The following TAFA5 variants were observed in gnomAD, a reference collection of about 807,000 sequenced individuals.
The protein encoded by TAFA5 is TAFA chemokine like family member 5, also known as chemokine-like protein TAFA-5.
A neutral mutation model predicts 15.3 loss-of-function variants in TAFA5; 6 were observed. That is an observed-to-expected ratio of 0.39 (90% CI 0.21 to 0.77). TAFA5 has a LOEUF of 0.77. Among genes scored for constraint, TAFA5 ranks in the 30% least tolerant of loss-of-function variants. TAFA5 has a pLI of 0.41. For synonymous variants in TAFA5, 103 were observed against 80.7 expected (o/e 1.28, Z -1.48); for missense variants, 161 against 193.1 (o/e 0.83, Z 0.98).
intron 1 of TAFA5, among the ~76,000 whole-genome samples, chr22:48,644,391 A>G (rs2147200672): frequency 6.6e-6 from 1 of 152,296 alleles, no homozygotes; most frequent in Non-Finnish European, 1.5e-5. Flanking sequence ...GCCCTTATGC[A>G]CTGGGCTCTG....
At chr22:48,633,539 C>CTCTCTCTCTCTCTCTCTCTCTCTCTCTCT (rs1569056626) in intron 1 of TAFA5, among the ~76,000 whole-genome samples, 3 of 128,816 alleles carry the variant, frequency 2.3e-5, no homozygotes, top group East Asian at 2.6e-4. Flanking sequence ...TCTGTCTCTC[C>CTCTCTCTCTCTCTCTCTCTCTCTCTCTCT]CTCTCTCTCT....
At chr22:48,653,552 TAAAGGCC>T (rs1310991932) in intron 2 of TAFA5, among the ~76,000 whole-genome samples, 2 of 152,260 alleles carry the variant, frequency 1.3e-5, no homozygotes, top group East Asian at 3.9e-4. Context: ...GCAACTGTGC[TAAAGGCC>T]AAGCACTTTG....
chr22:48,510,622 A>T (rs1921175936), intron 1 of TAFA5, among the ~76,000 whole-genome samples: 1 of 152,184 alleles, frequency 6.6e-6, no homozygotes, highest in African/African-American at 2.4e-5. Context: ...GGGGTGGGGG[A>T]ACCTGGCTGT....
At chr22:48,541,480 C>T (rs149455940) in intron 1 of TAFA5, among the ~76,000 whole-genome samples, 1 of 152,310 alleles carries the variant, frequency 6.6e-6, no homozygotes, top group Non-Finnish European at 1.5e-5. Flanking sequence ...GAGTCTGCCT[C>T]TCTCAGGGAA....
At chr22:48,541,184 G>A (rs1246779522) in intron 1 of TAFA5, among the ~76,000 whole-genome samples, 2 of 152,108 alleles carry the variant, frequency 1.3e-5, no homozygotes, top group East Asian at 1.9e-4. Flanking sequence ...CTCCCGGGGC[G>A]TTTGTACAGG....
At chr22:48,709,538 C>T (rs1929188148) in intron 3 of TAFA5, among the ~76,000 whole-genome samples, 1 of 152,228 alleles carries the variant, frequency 6.6e-6, no homozygotes, top group Non-Finnish European at 1.5e-5. Context: ...ACATAAGCGG[C>T]CACCTCGCCC....
chr22:48,650,349 A>G (rs758497841), intron 2 of TAFA5, among the ~76,000 whole-genome samples: 2 of 152,174 alleles, frequency 1.3e-5, no homozygotes, highest in Non-Finnish European at 2.9e-5. Context: ...TTGAAAGAAG[A>G]TGGATACCCA....
rs137912206 is a variant in TAFA5 at position 48,627,147 on chromosome 22, C to T, written c.113-19450C>T. 4.1e-3 allele frequency among the ~76,000 whole-genome samples: 626 copies of T among 152,312 alleles called. 3 individuals are homozygous for T. Among genetic ancestry groups the T allele is most frequent in the African/African-American group, 0.014 (583 of 41,564 alleles). ...TCCACTCGGCTTGGCATTGGCACCACGTATGTGTGTCTAAAGAAGGTTAAG... is the reference window on the plus strand; with the variant it reads ...TCCACTCGGCTTGGCATTGGCACCATGTATGTGTGTCTAAAGAAGGTTAAG... On this transcript the variant is annotated intron_variant, in intron 1 of 3. Transcript: ENST00000402357.
Position 48,598,790 on chromosome 22 carries a change from T to A in TAFA5, c.113-47807T>A, listed in dbSNP as rs915822410. Reference sequence around the variant, plus strand: ...CTCGGTCCCACAAGACTGCTCCCCCTTCAGATACCAAGTCCAAGTGCCACC... The same window carrying A: ...CTCGGTCCCACAAGACTGCTCCCCCATCAGATACCAAGTCCAAGTGCCACC... On this transcript the variant is annotated intron_variant, in intron 1 of 3. Coordinates refer to ENST00000402357, the MANE Select transcript of TAFA5 (RefSeq NM_001082967.3). The surrounding 1 kb of genome is among the most constrained non-coding windows in gnomAD (Gnocchi z 4.0). Among the ~76,000 whole-genome samples the A allele has an allele frequency of 1.3e-5, 2 of 152,092 alleles. No individual in the cohort carries two copies. The highest frequency in any genetic ancestry group is 3.9e-4 in the East Asian group (2 of 5,178).
chr22:48,685,300 A>G (rs1436072671), intron 2 of TAFA5, among the ~76,000 whole-genome samples: 1 of 152,212 alleles, frequency 6.6e-6, no homozygotes, highest in Non-Finnish European at 1.5e-5. Flanking sequence ...GAGAGAATGA[A>G]TGTCTCTCCT....
At chr22:48,729,395 G>A in intron 3 of TAFA5, among the ~76,000 whole-genome samples, 1 of 126,110 alleles carries the variant, frequency 7.9e-6, no homozygotes, top group South Asian at 2.3e-4. Context: ...ATATATAATA[G>A]TCATAAATAT....
At chr22:48,673,886 T>C (rs549372686) in intron 2 of TAFA5, among the ~76,000 whole-genome samples, 1 of 152,232 alleles carries the variant, frequency 6.6e-6, no homozygotes, top group East Asian at 1.9e-4. Context: ...AAATGCATCA[T>C]AGCTGGGTAT....
chr22:48,503,512 G>A (rs988868521), intron 1 of TAFA5, among the ~76,000 whole-genome samples: 41 of 152,234 alleles, frequency 2.7e-4, no homozygotes, highest in African/African-American at 9.6e-4. Flanking sequence ...ATCACCAAAA[G>A]TGCCAGGGAC....
chr22:48,528,309 G>A (rs750536526), intron 1 of TAFA5, among the ~76,000 whole-genome samples: 13 of 152,196 alleles, frequency 8.5e-5, no homozygotes, highest in Non-Finnish European at 1.5e-4. Context: ...CTTGGGGCAT[G>A]AGTCGGTGCC....
chr22:48,719,840 T>C (rs971883657), intron 3 of TAFA5, among the ~76,000 whole-genome samples: 4 of 152,184 alleles, frequency 2.6e-5, no homozygotes, highest in Non-Finnish European at 5.9e-5. Context: ...AAAACGTATA[T>C]GGCCGGCGCC....
intron 1 of TAFA5, among the ~76,000 whole-genome samples, chr22:48,638,241 G>A (rs9617453): frequency 0.52 from 73,312 of 141,276 alleles, 19,385 homozygotes; most frequent in East Asian, 0.69. Context: ...TTAGACCCCC[G>A]ACACTAAGCC....
Position 48,574,168 on chromosome 22 carries a change from G to C in TAFA5, c.113-72429G>C, listed in dbSNP as rs73425933. Reference sequence around the variant, plus strand: ...AGGGGATTGCCTGAGCAGAGAGAATGGCTAGTCCCTCCCAGGGCAGATCCA... The same window carrying C: ...AGGGGATTGCCTGAGCAGAGAGAATCGCTAGTCCCTCCCAGGGCAGATCCA... On this transcript the variant is annotated intron_variant, in intron 1 of 3. Transcript: ENST00000402357. Among the ~76,000 whole-genome samples the C allele has an allele frequency of 1.2e-3, 177 of 152,362 alleles. 1 individual carries two copies. The highest frequency in any genetic ancestry group is 4.0e-3 in the African/African-American group (168 of 41,584).
At chr22:48,583,205 A>G (rs899964137) in intron 1 of TAFA5, among the ~76,000 whole-genome samples, 63 of 149,818 alleles carry the variant, frequency 4.2e-4, no homozygotes, top group African/African-American at 1.5e-3. Context: ...CAAAATATAC[A>G]CATACCACAC....
At chr22:48,699,524 C>T (rs1928837093) in intron 2 of TAFA5, among the ~76,000 whole-genome samples, 1 of 152,102 alleles carries the variant, frequency 6.6e-6, no homozygotes, top group African/African-American at 2.4e-5. Flanking sequence ...GTATACATTT[C>T]CCCGCGTTCC....
Sources: allele counts gnomAD v4.1 joint callset (sites outside exome capture counted in the v4.1 genomes callset), GRCh38; gene constraint gnomAD v4.1.1; non-coding constraint Gnocchi (gnomAD v3.1); transcripts MANE v1.5; gene names NCBI Gene and HGNC (gene_info 2026-07-23, HGNC 2026-07-21).